Variants in STIMATE observed in about 807,000 individuals in gnomAD.
STIMATE encodes STIM activating enhancer.
A neutral mutation model predicts 36.7 loss-of-function variants in STIMATE; 15 were observed. The ratio of observed to expected loss-of-function variants is 0.41; its 90% CI spans 0.27 to 0.63. STIMATE has a LOEUF of 0.63. Ranked by LOEUF, STIMATE falls within the 20% of genes least tolerant of loss-of-function variation. The pLI, the probability that STIMATE is intolerant of heterozygous loss-of-function variation, is 0.32. For synonymous variants in STIMATE, 163 were observed against 162.3 expected, an observed-to-expected ratio of 1.00 and a Z score of -0.03; for missense variants, 305 against 397.3, an observed-to-expected ratio of 0.77 and a Z score of 1.98.
Position 52,842,858 on chromosome 3 carries a change from T to C in STIMATE, c.721A>G (p.Lys241Glu). 1 of 1,614,258 alleles carries C rather than the reference T, an allele frequency of 6.2e-7. No homozygotes were observed. Among genetic ancestry groups the C allele is most frequent in the Admixed American group, 1.7e-5 (1 of 60,030 alleles). Residue 241 changes from lysine to glutamate, a missense_variant, in exon 7 of 8, where the codon AAG (lysine) becomes GAG (glutamate). Physicochemically the swap from Lys to Glu is moderately conservative, Grantham distance 56. Around this residue, in one of 3 missense-constraint regions of STIMATE, gnomAD observed 84 missense variants for 82.4 expected, o/e 1.02. Coordinates refer to ENST00000355083, the MANE Select transcript of STIMATE (RefSeq NM_198563.5). ...GATGCGGCCCTCCGGTAGCGGACCT[T>C]GCTCCCATTCCTCGAGTCCTGGTTG... ...GANQDSRNGS[K>E]VRYRRAASHE...
chr3:52,845,877 C>T lies in STIMATE; in HGVS notation c.428-936G>A, dbSNP rs370257981. Among the ~76,000 whole-genome samples the T allele has an allele frequency of 7.9e-3, 1,140 of 144,642 alleles. 115 individuals carry two copies. The South Asian group carries it at 0.21, about 27-fold the overall frequency. The allele number at this position is 144,642 out of a possible 152,430, so 94.9% of individuals were successfully genotyped here. A position where few individuals can be genotyped will look rare whatever the true frequency, so the allele number is the denominator to read the frequency against. ...CCTGGGGCTCACCCTGGAAGTTCTG[C>T]CAGAGCTGCCTTACCACAGCTGGCC... is the stretch of plus-strand genomic sequence containing the variant. On this transcript the variant is annotated intron_variant, in intron 4 of 7. Transcript: ENST00000355083.
At chr3:52,854,453 A>C (rs1214178326) in intron 2 of STIMATE, among the ~76,000 whole-genome samples, 1 of 152,178 alleles carries the variant, frequency 6.6e-6, no homozygotes, top group Non-Finnish European at 1.5e-5. Flanking sequence ...ATCCCTAAAC[A>C]ATGGGATTTG....
At chr3:52,879,467 T>C (rs1396899549) in intron 1 of STIMATE, among the ~76,000 whole-genome samples, 2 of 152,108 alleles carry the variant, frequency 1.3e-5, no homozygotes, top group Non-Finnish European at 2.9e-5. Flanking sequence ...CTGACGCCTC[T>C]CCTCCACTTA....
At chr3:52,875,216 G>A (rs1287236140) in intron 1 of STIMATE, among the ~76,000 whole-genome samples, 1 of 152,174 alleles carries the variant, frequency 6.6e-6, no homozygotes. Context: ...TTAACAAATA[G>A]TTCTAATTTG....
At chr3:52,856,652 C>G (rs1357283571) in intron 1 of STIMATE, among the ~76,000 whole-genome samples, 2 of 151,770 alleles carry the variant, frequency 1.3e-5, no homozygotes, top group African/African-American at 4.8e-5. Flanking sequence ...CCATTGCACT[C>G]CTGTCTGGGC....
chr3:52,860,347 T>G (rs1575334307), intron 1 of STIMATE, among the ~76,000 whole-genome samples: 1 of 146,698 alleles, frequency 6.8e-6, no homozygotes, highest in Non-Finnish European at 1.5e-5. Context: ...GCACGTGGGG[T>G]CTGAACTGTC....
chr3:52,838,942 A>G lies in STIMATE; in HGVS notation c.*1552T>C, dbSNP rs1420544527. On this transcript the variant is annotated 3_prime_UTR_variant, in exon 8 of 8. Coordinates refer to ENST00000355083, the MANE Select transcript of STIMATE (RefSeq NM_198563.5). ...TCTCCCTTCTAGCTCATCACACCTTAGCAGTGTGGCTTCCTGTTCCTAACC... is the reference window on the plus strand; with the variant it reads ...TCTCCCTTCTAGCTCATCACACCTTGGCAGTGTGGCTTCCTGTTCCTAACC... 1 of 152,284 alleles carries G rather than the reference A, an allele frequency of 6.6e-6. No individual in the cohort carries two copies. Among genetic ancestry groups the G allele is most frequent in the Non-Finnish European group, 1.5e-5 (1 of 68,092 alleles). 9.4% of individuals were successfully genotyped at this position (152,284 alleles called of 1,614,324 possible).
intron 1 of STIMATE, among the ~76,000 whole-genome samples, chr3:52,858,538 T>C (rs891322264): frequency 3.3e-5 from 5 of 152,078 alleles, no homozygotes; most frequent in African/African-American, 7.2e-5. Context: ...GTTGGGAGGA[T>C]TGGTTGAGCC....
chr3:52,896,627 G>T (rs1028820351), intron 1 of STIMATE, among the ~76,000 whole-genome samples: 1 of 152,194 alleles, frequency 6.6e-6, no homozygotes, highest in East Asian at 1.9e-4. Context: ...TATTAGGAAA[G>T]CTTGGGACAG....
chr3:52,853,245 T>C (rs1701039356), intron 2 of STIMATE, among the ~76,000 whole-genome samples: 1 of 152,208 alleles, frequency 6.6e-6, no homozygotes, highest in Non-Finnish European at 1.5e-5. Context: ...CGCTAGAGAA[T>C]GATGCAGTCA....
chr3:52,852,741 C>T (rs1418711895), intron 2 of STIMATE, 43 bp from the exon 3 acceptor site: 9 of 1,600,964 alleles, frequency 5.6e-6, no homozygotes, highest in South Asian at 1.1e-5. Context: ...CTGACAGGAG[C>T]GCAATATCCA....
At chr3:52,887,994 GTTTTTTTTTTTTTTT>G (rs71087029) in intron 1 of STIMATE, among the ~76,000 whole-genome samples, 1 of 52,718 alleles carries the variant, frequency 1.9e-5, no homozygotes, top group Non-Finnish European at 3.4e-5. Flanking sequence ...AACAGAATCA[GTTTTTTTTTTTTTTT>G]TTTTTTTTTT....
chr3:52,877,054 G>C (rs1167152995), intron 1 of STIMATE, among the ~76,000 whole-genome samples: 1 of 152,212 alleles, frequency 6.6e-6, no homozygotes, highest in Admixed American at 6.5e-5. Context: ...TTAAAACTGA[G>C]AATGGCCATT....
At position 52,838,812 on chromosome 3, in the gene STIMATE, T is replaced by A. The variant is rs1368200906; in HGVS notation, c.*1682A>T. The A allele has an allele frequency of 6.6e-6, 1 of 152,256 alleles. No homozygotes were observed. Among genetic ancestry groups the A allele is most frequent in the Non-Finnish European group, 1.5e-5 (1 of 68,058 alleles). 9.4% of individuals were successfully genotyped at this position (152,256 alleles called of 1,614,324 possible). ...TAACAGCTGGGTTCATGCGCCCAAT[T>A]CGGACCCAATGTGCTTAAGTGAAAC... On this transcript the variant is annotated 3_prime_UTR_variant, in exon 8 of 8. Transcript: ENST00000355083.
intron 4 of STIMATE, among the ~76,000 whole-genome samples, chr3:52,848,822 G>A (rs1400903808): frequency 6.6e-6 from 1 of 152,226 alleles, no homozygotes; most frequent in Admixed American, 6.5e-5. Context: ...GGAGGCACAA[G>A]CTGTGTGTTG....
At chr3:52,842,553 G>C (rs2106648151) in intron 7 of STIMATE, among the ~76,000 whole-genome samples, 1 of 152,358 alleles carries the variant, frequency 6.6e-6, no homozygotes, top group Admixed American at 6.5e-5. Flanking sequence ...TCCACTGACA[G>C]AGGAACTGTC....
intron 6 of STIMATE, chr3:52,843,208 A>G (rs2106649662): frequency 1.6e-6 from 1 of 644,996 alleles, no homozygotes; most frequent in Non-Finnish European, 2.4e-6. Context: ...TGTGGTAACT[A>G]GGGGGAACAG....
chr3:52,895,024 G>C (rs1173426611), intron 1 of STIMATE, among the ~76,000 whole-genome samples: 1 of 152,252 alleles, frequency 6.6e-6, no homozygotes, highest in Non-Finnish European at 1.5e-5. Flanking sequence ...AGGGGAGCCT[G>C]GCCTTCAACA....
chr3:52,842,536 T>C (rs1700814738), intron 7 of STIMATE, among the ~76,000 whole-genome samples: 1 of 152,262 alleles, frequency 6.6e-6, no homozygotes, highest in African/African-American at 2.4e-5. Flanking sequence ...CTCTCCTGTC[T>C]GTCATCTCCA....
Sources: allele counts gnomAD v4.1 joint callset (sites outside exome capture counted in the v4.1 genomes callset), GRCh38; gene constraint gnomAD v4.1.1; regional missense constraint gnomAD v4.1.1; transcripts MANE v1.5; gene names NCBI Gene and HGNC (gene_info 2026-07-23, HGNC 2026-07-21).